PLEKHA7: variants seen among roughly 807,000 people sequenced by gnomAD.
PLEKHA7 encodes the protein pleckstrin homology domain-containing family A member 7.
A neutral mutation model predicts 170.0 loss-of-function variants in PLEKHA7; 104 were observed. The observed-to-expected ratio is 0.61, with a 90% CI of 0.52 to 0.72. The LOEUF is 0.72. Among genes scored for constraint, PLEKHA7 ranks in the 30% least tolerant of loss-of-function variants. PLEKHA7 has a pLI of 0.00. For missense variants in PLEKHA7, 1,615 were observed against 1,671.7 expected, an observed-to-expected ratio of 0.97 and a Z score of 0.59; for synonymous variants, 648 against 660.8, an observed-to-expected ratio of 0.98 and a Z score of 0.30.
chr11:16,993,786 A>C (rs1864181343), intron 3 of PLEKHA7, among the ~76,000 whole-genome samples: 1 of 152,198 alleles, frequency 6.6e-6, no homozygotes, highest in Non-Finnish European at 1.5e-5. Flanking sequence ...AATAAATCCC[A>C]AAGCCCTCAG....
chr11:16,929,548 A>G (rs1449016747), intron 3 of PLEKHA7, among the ~76,000 whole-genome samples: 3 of 152,270 alleles, frequency 2.0e-5, no homozygotes, highest in South Asian at 4.1e-4. Flanking sequence ...CAAGCCATAG[A>G]TAAGACTGGG....
At chr11:16,863,345 G>A (rs1854125716) in intron 4 of PLEKHA7, among the ~76,000 whole-genome samples, 1 of 152,086 alleles carries the variant, frequency 6.6e-6, no homozygotes, top group African/African-American at 2.4e-5. Context: ...AATCCAATGA[G>A]AAAACTGAAG....
intron 9 of PLEKHA7, among the ~76,000 whole-genome samples, chr11:16,838,767 A>G (rs2135210927): frequency 6.9e-6 from 1 of 144,546 alleles, no homozygotes; most frequent in Admixed American, 7.5e-5. Context: ...GCTCACTGCA[A>G]GCTCTGCCTC....
At chr11:16,816,080 G>A in intron 12 of PLEKHA7, 98 bp downstream of exon 12, 4 of 1,001,348 alleles carry the variant, frequency 4.0e-6, no homozygotes, top group Non-Finnish European at 6.2e-6. Context: ...TAATATGGGG[G>A]TTAATAGCTG....
At position 16,947,589 on chromosome 11, in the gene PLEKHA7, T is replaced by TA. The variant is rs79807953; in HGVS notation, c.221+66399dup. 1.1e-3 allele frequency among the ~76,000 whole-genome samples: 114 copies of TA among 107,916 alleles called. No individual in the cohort carries two copies. The South Asian group carries it at 0.012, about 11-fold the overall frequency. The allele number at this position is 107,916 out of a possible 152,430, so 70.8% of individuals were successfully genotyped here. On this transcript the variant is annotated intron_variant, in intron 3 of 26. Transcript: ENST00000531066. ...CTGAGCGAGAGAGCGAGACTCCACC[T>TA]AAAAAAAAAAAAAAGAAAGAAAGAA...
intron 4 of PLEKHA7, among the ~76,000 whole-genome samples, chr11:16,863,402 C>T (rs184670636): frequency 5.5e-4 from 83 of 152,244 alleles, no homozygotes; most frequent in African/African-American, 1.9e-3. Flanking sequence ...CACTGGGATG[C>T]TGGGAAAGGC....
At chr11:17,000,780 T>C (rs1198273386) in intron 3 of PLEKHA7, among the ~76,000 whole-genome samples, 1 of 152,214 alleles carries the variant, frequency 6.6e-6, no homozygotes, top group Admixed American at 6.5e-5. Context: ...TCAAGTGACC[T>C]GCCAAAGCTA....
chr11:16,896,471 C>G (rs1317235998), intron 3 of PLEKHA7, among the ~76,000 whole-genome samples: 1 of 152,134 alleles, frequency 6.6e-6, no homozygotes, highest in African/African-American at 2.4e-5. Flanking sequence ...CTTTTCCCCT[C>G]ACTCCCCATC....
rs146323206 is a variant in PLEKHA7, at chr11:16,812,985, G to C, written c.2007+128C>G. 4.9e-4 allele frequency: 331 copies of C among 673,590 alleles called. 4 individuals carry two copies. The East Asian group carries it at 8.6e-3, about 17-fold the overall frequency. 41.7% of individuals were successfully genotyped at this position (673,590 alleles called of 1,614,324 possible). On this transcript the variant is annotated intron_variant, in intron 13 of 26. Coordinates refer to ENST00000531066, the MANE Select transcript of PLEKHA7 (RefSeq NM_001329630.2). ...AAAGTTCTTCTGATTCAAGATGGGA[G>C]ACATATTGATTTAGAATTCAGATTG...
rs1220851124 is a variant in PLEKHA7 at position 16,801,754 on chromosome 11, G to A, written c.2221C>T (p.Gln741Ter). The A allele has an allele frequency of 6.2e-7, 1 of 1,614,038 alleles. No homozygotes were observed. Among genetic ancestry groups the A allele is most frequent in the Non-Finnish European group, 8.5e-7 (1 of 1,180,040 alleles). Reference sequence around the variant, plus strand: ...TGGTAGGCAATCTTCTCCAAGTGCTGGGGCTGGTCTCGGTACTGCTCCATC... The same window carrying A: ...TGGTAGGCAATCTTCTCCAAGTGCTAGGGCTGGTCTCGGTACTGCTCCATC... ...RQMEQYRDQPQHLEKIAYQQK... is the reference protein window; with the variant it reads ...RQMEQYRDQP The change falls in exon 16 of 27, where the codon CAG becomes TAG. Residue 741 changes from glutamine to a stop codon, truncating the protein, a stop_gained. Coordinates refer to ENST00000531066, the MANE Select transcript of PLEKHA7 (RefSeq NM_001329630.2). LOFTEE classifies it high-confidence loss of function.
intron 3 of PLEKHA7, among the ~76,000 whole-genome samples, chr11:16,919,792 GA>G (rs35362778): frequency 1.3e-4 from 19 of 151,636 alleles, no homozygotes; most frequent in African/African-American, 4.6e-4. Context: ...TCTAAGCAGG[GA>G]AAAAAAAGAC....
At chr11:16,955,020 T>A (rs1383690779) in intron 3 of PLEKHA7, among the ~76,000 whole-genome samples, 1 of 152,184 alleles carries the variant, frequency 6.6e-6, no homozygotes, top group Non-Finnish European at 1.5e-5. Flanking sequence ...TACTGTTTCA[T>A]TTGAAACAGT....
Position 16,816,249 on chromosome 11 carries a change from C to A in PLEKHA7, c.1882G>T (p.Asp628Tyr). Residue 628 changes from aspartate to tyrosine, a missense_variant, in exon 12 of 27, where the codon GAC becomes TAC. Coordinates refer to ENST00000531066, the MANE Select transcript of PLEKHA7 (RefSeq NM_001329630.2). ...GHAVKNSSHV[D>Y]RRSMPSMGYM... ...CCCATGGAGGGCATGGAGCGTCGGT[C>A]CACATGAGATGAGTTCTGCAAGTGG... 6.2e-7 allele frequency: 1 copy of A among 1,613,342 alleles called. No individual in the cohort carries two copies. Among genetic ancestry groups the A allele is most frequent in the Non-Finnish European group, 8.5e-7 (1 of 1,179,450 alleles).
At chr11:16,932,238 A>G (rs751450124) in intron 3 of PLEKHA7, among the ~76,000 whole-genome samples, 1 of 152,084 alleles carries the variant, frequency 6.6e-6, no homozygotes, top group Admixed American at 6.5e-5. Flanking sequence ...AGCATGGGAC[A>G]CAATAGTACT....
At chr11:16,798,409 C>G (rs532456178) in intron 17 of PLEKHA7, among the ~76,000 whole-genome samples, 1 of 152,096 alleles carries the variant, frequency 6.6e-6, no homozygotes, top group African/African-American at 2.4e-5. Flanking sequence ...GCTGAGTTCT[C>G]CAGGGCGTCT....
chr11:16,910,579 G>A (rs1858175602), intron 3 of PLEKHA7, among the ~76,000 whole-genome samples: 1 of 152,202 alleles, frequency 6.6e-6, no homozygotes, highest in Admixed American at 6.5e-5. Flanking sequence ...TAAAGCAACT[G>A]GGACAACTGG....
intron 3 of PLEKHA7, among the ~76,000 whole-genome samples, chr11:16,872,811 T>C (rs536827558): frequency 5.7e-3 from 267 of 46,436 alleles, no homozygotes; most frequent in African/African-American, 0.016. Context: ...CAAATGTAAT[T>C]TTTTTTTTTC....
rs1061552 is a variant in PLEKHA7 at position 16,777,334 on chromosome 11, T to C, written c.*1664A>G. 6.6e-6 allele frequency: 1 copy of C among 152,240 alleles called. No individual in the cohort carries two copies. The highest frequency in any genetic ancestry group is 2.1e-4 in the South Asian group (1 of 4,834). The allele number at this position is 152,240 out of a possible 1,614,324, so 9.4% of individuals were successfully genotyped here. The stretch of plus-strand genomic sequence containing the variant: ...TTTAATCTGTACATCACATTTTTTT[T>C]GCAAACCATTACATTTTTAAATTAA... On this transcript the variant is annotated 3_prime_UTR_variant, in exon 27 of 27. Coordinates refer to ENST00000531066, the MANE Select transcript of PLEKHA7 (RefSeq NM_001329630.2).
At chr11:16,792,322 CTT>C (rs1398007877) in intron 19 of PLEKHA7, among the ~76,000 whole-genome samples, 2 of 151,980 alleles carry the variant, frequency 1.3e-5, no homozygotes, top group African/African-American at 2.4e-5. Context: ...GCTTTTGTAT[CTT>C]TTGAGAATAT....
Sources: gnomAD v4.1 joint callset for allele counts (sites outside exome capture counted in the v4.1 genomes callset) on GRCh38, gnomAD v4.1.1 for gene constraint, MANE v1.5 for transcripts, NCBI Gene and HGNC (gene_info 2026-07-23, HGNC 2026-07-21) for gene names.